Variants in CIT observed in about 807,000 individuals in gnomAD.
CIT encodes the protein citron Rho-interacting kinase.
In CIT, 79 loss-of-function variants were observed where a neutral mutation model predicts 272.7. The observed-to-expected ratio is 0.29, with a 90% CI of 0.24 to 0.35. The LOEUF (loss-of-function observed/expected upper bound fraction) is 0.35. CIT is among the 10% of genes least tolerant of loss of function. The probability of loss-of-function intolerance (pLI) is 1.00; values close to 1 mark genes in which losing one functional copy is unlikely to be tolerated. For missense variants in CIT, 1,909 were observed against 2,618.3 expected (o/e 0.73, Z 5.91); for synonymous variants, 948 against 995.6 (o/e 0.95, Z 0.90).
chr12:119,761,107 G>T, intron 19 of CIT, 52 bp from the exon 20 acceptor site: 1 of 1,296,486 alleles, frequency 7.7e-7, no homozygotes, highest in Non-Finnish European at 1.1e-6. Context: ...GCTGAGGAGG[G>T]AAGACTAAAC....
At position 119,718,502 on chromosome 12, in the gene CIT, C is replaced by T; in HGVS notation, c.4004-93G>A. ...GTCCCTGGGCTATCTTTCAAGGACC[C>T]AAGACCAAAAGAATATGCGTCACAT... On this transcript the variant is annotated intron_variant, in intron 31 of 47. Transcript: ENST00000392521. The surrounding 1 kb of genome is among the most constrained non-coding windows in gnomAD (Gnocchi z 4.8). 3 of 1,491,986 alleles carry T rather than the reference C, an allele frequency of 2.0e-6. No individual in the cohort carries two copies. In the South Asian group the frequency reaches 3.9e-5, roughly 19 times the overall value. The allele number at this position is 1,491,986 out of a possible 1,614,324, so 92.4% of individuals were successfully genotyped here. A position where few individuals can be genotyped will look rare whatever the true frequency, so the allele number is the denominator to read the frequency against.
intron 41 of CIT, among the ~76,000 whole-genome samples, chr12:119,703,854 AC>A (rs1291964539): frequency 5.3e-5 from 8 of 152,180 alleles, no homozygotes; most frequent in African/African-American, 1.9e-4. Context: ...GATCTAACAC[AC>A]ATCTCGTCCA....
At chr12:119,766,810 GA>G (rs1310206312) in intron 19 of CIT, among the ~76,000 whole-genome samples, 1 of 151,186 alleles carries the variant, frequency 6.6e-6, no homozygotes, top group African/African-American at 2.4e-5. Flanking sequence ...AATGATCATG[GA>G]TTAAATGACA....
At chr12:119,863,514 G>A (rs939704524) in intron 3 of CIT, among the ~76,000 whole-genome samples, 3 of 151,082 alleles carry the variant, frequency 2.0e-5, no homozygotes, top group African/African-American at 7.3e-5. Context: ...TAAAATAAAA[G>A]TTTTTTTTTG....
chr12:119,741,155 A>T (rs1187042474), intron 24 of CIT, among the ~76,000 whole-genome samples: 1 of 70,484 alleles, frequency 1.4e-5, no homozygotes, highest in African/African-American at 6.5e-5. Context: ...ACACAGTGAT[A>T]AAAAAAAAAA....
intron 5 of CIT, among the ~76,000 whole-genome samples, chr12:119,838,748 C>G (rs1969198940): frequency 6.6e-6 from 1 of 152,228 alleles, no homozygotes; most frequent in African/African-American, 2.4e-5. Flanking sequence ...GACAAGATCA[C>G]TGACGACAAA....
chr12:119,702,489 C>T (rs550470025), intron 41 of CIT, among the ~76,000 whole-genome samples: 26 of 152,142 alleles, frequency 1.7e-4, no homozygotes, highest in African/African-American at 6.0e-4. Context: ...AGTTCGAGAC[C>T]AGTGTAGCCA....
At chr12:119,863,958 C>T (rs944902400) in intron 3 of CIT, among the ~76,000 whole-genome samples, 11 of 152,018 alleles carry the variant, frequency 7.2e-5, no homozygotes, top group Admixed American at 5.9e-4. Context: ...ATACCAGATT[C>T]GCTGGCGCCT....
In CIT at chr12:119,721,401, G is replaced by A. The variant is rs1455925579; in HGVS notation, c.3640C>T (p.Arg1214Cys). 1.9e-6 allele frequency: 3 copies of A among 1,611,172 alleles called. No homozygotes were observed. Among genetic ancestry groups the A allele is most frequent in the Non-Finnish European group, 8.5e-7 (1 of 1,177,696 alleles). Reference sequence around the variant, plus strand: ...GCTTCTTGCAGTCCTTGAGTCAGACGGAAAATGTGATTTTTCTGCAGGTCC... The same window carrying A: ...GCTTCTTGCAGTCCTTGAGTCAGACAGAAAATGTGATTTTTCTGCAGGTCC... ...QMDLQKNHIF[R>C]LTQGLQEALD... The change falls in exon 29 of 48, where the codon CGT becomes TGT. Residue 1214 changes from arginine (R) to cysteine (C), a missense_variant. Physicochemically the swap from Arg to Cys is radical, Grantham distance 180. Transcript: ENST00000392521.
At chr12:119,826,992 T>C (rs886123771) in intron 7 of CIT, among the ~76,000 whole-genome samples, 8 of 152,210 alleles carry the variant, frequency 5.3e-5, no homozygotes, top group Admixed American at 1.3e-4. Flanking sequence ...TTTCTCGTTA[T>C]ATGAAACAGA....
intron 5 of CIT, among the ~76,000 whole-genome samples, chr12:119,837,527 C>G (rs980474889): frequency 1.3e-5 from 2 of 152,202 alleles, no homozygotes; most frequent in African/African-American, 4.8e-5. Flanking sequence ...AGAACAGGGT[C>G]AGCAGAAAAT....
At position 119,723,396 on chromosome 12, in the gene CIT, T is replaced by TA. The variant is rs1565942859; in HGVS notation, c.3592-1948_3592-1947insT. 3.4e-3 allele frequency among the ~76,000 whole-genome samples: 454 copies of TA among 133,880 alleles called. 5 individuals are homozygous for TA. Among genetic ancestry groups the TA allele is most frequent in the African/African-American group, 0.013 (428 of 33,626 alleles). 87.8% of individuals were successfully genotyped at this position (133,880 alleles called of 152,430 possible). ...AAATAGGCTGGTTATTCCCTATACA[T>TA]TAAAAAAAAAAAAAAAAAAAAGTAA... On this transcript the variant is annotated intron_variant, in intron 28 of 47. Coordinates refer to ENST00000392521, the MANE Select transcript of CIT (RefSeq NM_001206999.2).
At chr12:119,700,670 C>A (rs755056484) in intron 44 of CIT, 75 bp downstream of exon 44, 85 of 1,260,306 alleles carry the variant, frequency 6.7e-5, no homozygotes, top group Non-Finnish European at 5.8e-5. Flanking sequence ...CGTGAGCCAC[C>A]GCACCCGGAT....
At chr12:119,826,988 G>A (rs188337647) in intron 7 of CIT, among the ~76,000 whole-genome samples, 252 of 152,172 alleles carry the variant, frequency 1.7e-3, no homozygotes, top group Non-Finnish European at 2.1e-3. Context: ...AGACTTTCTC[G>A]TTATATGAAA....
chr12:119,792,438 T>A (rs1001300042), intron 10 of CIT, among the ~76,000 whole-genome samples: 1 of 152,138 alleles, frequency 6.6e-6, no homozygotes, highest in Non-Finnish European at 1.5e-5. Context: ...TATACTGGCT[T>A]TTAAGATTGA....
intron 9 of CIT, among the ~76,000 whole-genome samples, chr12:119,811,735 C>T (rs203358): frequency 0.063 from 9,610 of 152,248 alleles, 984 homozygotes; most frequent in African/African-American, 0.22. Flanking sequence ...CTGGATTGCA[C>T]TTTAACCAGA....
Position 119,697,914 on chromosome 12 carries a change from G to C in CIT, c.5702+62C>G, listed in dbSNP as rs543886772. Reference sequence around the variant, plus strand: ...CTAGGCAAGTTAGGAAGGAACATGCGGCCGGCCCCAACACCTACCCCAATA... The same window carrying C: ...CTAGGCAAGTTAGGAAGGAACATGCCGCCGGCCCCAACACCTACCCCAATA... On this transcript the variant is annotated intron_variant, in intron 45 of 47. Coordinates refer to ENST00000392521, the MANE Select transcript of CIT (RefSeq NM_001206999.2). This position sits in a 1 kb window ranked among gnomAD's most constrained non-coding sequence, Gnocchi z 4.9. 6.2e-7 allele frequency: 1 copy of C among 1,612,262 alleles called. No individual in the cohort carries two copies. The highest frequency in any genetic ancestry group is 1.3e-5 in the African/African-American group (1 of 74,856).
At chr12:119,702,704 A>G (rs1225800213) in intron 41 of CIT, among the ~76,000 whole-genome samples, 1 of 152,122 alleles carries the variant, frequency 6.6e-6, no homozygotes, top group Non-Finnish European at 1.5e-5. Context: ...AAAAAGAAAG[A>G]AAAGAAAGAA....
intron 12 of CIT, 86 bp from the exon 13 acceptor site, chr12:119,782,723 C>T (rs896610991): frequency 7.1e-5 from 109 of 1,536,340 alleles, no homozygotes; most frequent in Admixed American, 1.4e-4. Context: ...CAAGCTGCTT[C>T]GCAGACACCA....
Sources: gnomAD v4.1 joint callset for allele counts (sites outside exome capture counted in the v4.1 genomes callset) on GRCh38, gnomAD v4.1.1 for gene constraint, Gnocchi (gnomAD v3.1) non-coding constraint, MANE v1.5 for transcripts, NCBI Gene and HGNC (gene_info 2026-07-23, HGNC 2026-07-21) for gene names.